The following EIF2AK4 variants were observed in gnomAD, a reference collection of about 807,000 sequenced individuals.
The protein encoded by EIF2AK4 is eukaryotic translation initiation factor 2 alpha kinase 4.
A neutral mutation model predicts 211.1 loss-of-function variants in EIF2AK4; 139 were observed. The observed-to-expected ratio is 0.66, with a 90% CI of 0.57 to 0.76. The LOEUF is 0.76. Ranked by LOEUF, EIF2AK4 falls within the 30% of genes least tolerant of loss-of-function variation. EIF2AK4 has a pLI of 0.00. For missense variants in EIF2AK4, 1,664 were observed against 2,043.8 expected (o/e 0.81, Z 3.58); for synonymous variants, 710 against 751.3 (o/e 0.94, Z 0.90).
At chr15:39,935,535 T>G (rs1172820247) in intron 1 of EIF2AK4, among the ~76,000 whole-genome samples, 1 of 152,120 alleles carries the variant, frequency 6.6e-6, no homozygotes, top group African/African-American at 2.4e-5. Flanking sequence ...CTTGCTCTGT[T>G]GCCCGGGCTG....
At chr15:39,956,339 A>G (rs2034392239) in intron 6 of EIF2AK4, among the ~76,000 whole-genome samples, 1 of 152,196 alleles carries the variant, frequency 6.6e-6, no homozygotes, top group South Asian at 2.1e-4. Context: ...ACACATCACA[A>G]ACTTGCCTTA....
chr15:40,017,063 A>T, intron 28 of EIF2AK4, 45 bp from the exon 29 acceptor site: 1 of 1,593,540 alleles, frequency 6.3e-7, no homozygotes, highest in Non-Finnish European at 8.6e-7. Context: ...TCCACATTCT[A>T]AATTTCAAAC....
intron 7 of EIF2AK4, among the ~76,000 whole-genome samples, chr15:39,964,143 A>G (rs907763184): frequency 6.6e-6 from 1 of 152,242 alleles, no homozygotes; most frequent in Admixed American, 6.5e-5. Context: ...CAGCATTCCC[A>G]TGAAATAAAA....
intron 12 of EIF2AK4, 101 bp from the exon 13 acceptor site, chr15:39,977,977 A>G: frequency 1.4e-6 from 1 of 722,576 alleles, no homozygotes; most frequent in Non-Finnish European, 2.3e-6. Context: ...TCATGGTGTG[A>G]TGTCTGTAGC....
At chr15:39,951,982 C>T (rs377111908) in intron 4 of EIF2AK4, among the ~76,000 whole-genome samples, 1 of 152,208 alleles carries the variant, frequency 6.6e-6, no homozygotes, top group African/African-American at 2.4e-5. Context: ...CTACCACACT[C>T]TTTGAATTAT....
intron 7 of EIF2AK4, among the ~76,000 whole-genome samples, chr15:39,964,080 G>A (rs559041731): frequency 6.6e-6 from 1 of 152,328 alleles, no homozygotes; most frequent in Non-Finnish European, 1.5e-5. Context: ...GGCAAAGACT[G>A]TCAGGAGTTA....
rs1443167446 is a variant in EIF2AK4 at position 39,934,241 on chromosome 15, C to G, written c.46C>G (p.Pro16Ala). The change falls in exon 1 of 39, where the codon CCG becomes GCG. Residue 16 changes from proline (P) to alanine (A), a missense_variant. Physicochemically the swap from Pro to Ala is conservative, Grantham distance 27. Coordinates refer to ENST00000263791, the MANE Select transcript of EIF2AK4 (RefSeq NM_001013703.4). The stretch of plus-strand genomic sequence containing the variant: ...CCCCGGGCGCGGCCGGGACGAGCCT[C>G]CGGAGAGCTACCCGCAACGACAGGA... ...GAPGRGRDEP[P>A]ESYPQRQDHE... 6.2e-7 allele frequency: 1 copy of G among 1,607,056 alleles called. No individual in the cohort carries two copies. The highest frequency in any genetic ancestry group is 2.2e-5 in the East Asian group (1 of 44,618).
Position 39,967,676 on chromosome 15 carries a change from C to T in EIF2AK4, c.1350C>T (p.Leu450=), listed in dbSNP as rs777111048. ...KITDYSISKR[L]ADICKEDVFE... is the part of the protein sequence containing the mutation. ...CGGACTATAGCATTTCTAAGCGCCTCGCAGACATTTGCAAGGAGGATGTGT... is the reference window on the plus strand; with the variant it reads ...CGGACTATAGCATTTCTAAGCGCCTTGCAGACATTTGCAAGGAGGATGTGT... Residue 450 remains leucine, a synonymous_variant, in exon 9 of 39, where the codon CTC becomes CTT. Transcript: ENST00000263791. 18 of 1,614,050 alleles carry T rather than the reference C, an allele frequency of 1.1e-5. No individual in the cohort carries two copies. The highest frequency in any genetic ancestry group is 6.7e-5 in the African/African-American group (5 of 74,900).
intron 3 of EIF2AK4, among the ~76,000 whole-genome samples, chr15:39,948,747 G>A (rs1289000386): frequency 6.6e-6 from 1 of 152,152 alleles, no homozygotes; most frequent in Admixed American, 6.5e-5. Context: ...TTCTAGTTGG[G>A]AAGATAGCTT....
chr15:39,992,485 C>CTCCATTGG, intron 17 of EIF2AK4: 1 of 541,812 alleles, frequency 1.8e-6, no homozygotes. Flanking sequence ...TTTGTCTAAC[C>CTCCATTGG]TCCATTGGTA....
rs35697496 is a variant in EIF2AK4 at position 40,017,548 on chromosome 15, T to C, written c.4065+306T>C. Reference sequence around the variant, plus strand: ...ATATATATATATATATATATATATATATATATGTATTTTGGAGACAGGGCC... The same window carrying C: ...ATATATATATATATATATATATATACATATATGTATTTTGGAGACAGGGCC... On this transcript the variant is annotated intron_variant, in intron 29 of 38. Transcript: ENST00000263791. Among the ~76,000 whole-genome samples the C allele has an allele frequency of 0.49, 52,527 of 106,570 alleles. 15,985 individuals are homozygous for C. Among genetic ancestry groups the C allele is most frequent in the African/African-American group, 0.52 (14,176 of 27,438 alleles). The allele number at this position is 106,570 out of a possible 152,430, so 69.9% of individuals were successfully genotyped here.
intron 9 of EIF2AK4, 118 bp from the exon 10 acceptor site, chr15:39,972,790 G>A: frequency 1.4e-6 from 1 of 732,296 alleles, no homozygotes; most frequent in Non-Finnish European, 2.3e-6. Context: ...TGGTCTTTGA[G>A]TAACATGAAT....
intron 36 of EIF2AK4, 101 bp from the exon 37 acceptor site, chr15:40,032,656 C>T: frequency 9.4e-7 from 1 of 1,066,238 alleles, no homozygotes; most frequent in South Asian, 1.4e-5. Flanking sequence ...GCATCTCAGA[C>T]TCTGCAAACC....
At chr15:39,992,560 T>C (rs889983337) in intron 17 of EIF2AK4, 21 of 591,748 alleles carry the variant, frequency 3.5e-5, no homozygotes, top group African/African-American at 3.5e-4. Context: ...TCCTCTTCAA[T>C]AGCAAAGACA....
At chr15:39,982,118 G>A (rs1460250073) in intron 13 of EIF2AK4, among the ~76,000 whole-genome samples, 1 of 152,094 alleles carries the variant, frequency 6.6e-6, no homozygotes, top group East Asian at 1.9e-4. Context: ...TAGAGACAGG[G>A]TTTCACCGTG....
intron 9 of EIF2AK4, among the ~76,000 whole-genome samples, chr15:39,971,033 T>G (rs976337406): frequency 6.6e-6 from 1 of 152,182 alleles, no homozygotes; most frequent in Non-Finnish European, 1.5e-5. Context: ...GTTGATTCTT[T>G]TAAGTATATT....
rs1474430583 is a variant in EIF2AK4 at position 40,008,160 on chromosome 15, A to G, written c.3541A>G (p.Ile1181Val). 2 of 1,608,884 alleles carry G rather than the reference A, an allele frequency of 1.2e-6. No homozygotes were observed. The highest frequency in any genetic ancestry group is 1.7e-5 in the Admixed American group (1 of 58,590). The change falls in exon 25 of 39, where the codon ATC becomes GTC. Residue 1181 changes from isoleucine to valine, a missense_variant. Around this residue, in one of 7 missense-constraint regions of EIF2AK4, gnomAD observed 622 missense variants for 796.8 expected, o/e 0.78. Coordinates refer to ENST00000263791, the MANE Select transcript of EIF2AK4 (RefSeq NM_001013703.4). ...FLPTAEIIYT[I>V]YEIIQEFPAL... ...GCCCACTGCTGAAATTATCTACACT[A>G]TCTATGAAATCATCCAAGAGTTTCC...
Position 39,949,213 on chromosome 15 carries a change from G to A in EIF2AK4, c.458G>A (p.Arg153Gln), listed in dbSNP as rs748007652. 19 of 1,614,042 alleles carry A rather than the reference G, an allele frequency of 1.2e-5. 1 individual carries two copies. Among genetic ancestry groups the A allele is most frequent in the South Asian group, 9.9e-5 (9 of 91,080 alleles). ...TTTCATGAAGAAATGCTGGAAAGGCGGGCTCAGGAGGAGCAGCAGAGGCTG... is the reference window on the plus strand; with the variant it reads ...TTTCATGAAGAAATGCTGGAAAGGCAGGCTCAGGAGGAGCAGCAGAGGCTG... ...KSFHEEMLER[R>Q]AQEEQQRLLE... Residue 153 changes from arginine (R) to glutamine (Q), a missense_variant, in exon 4 of 39, where the codon CGG (arginine) becomes CAG (glutamine). Transcript: ENST00000263791.
chr15:40,018,542 A>C (rs1026555888), intron 29 of EIF2AK4, among the ~76,000 whole-genome samples: 2 of 151,804 alleles, frequency 1.3e-5, no homozygotes, highest in Non-Finnish European at 2.9e-5. Context: ...GGCTGATCTC[A>C]CACTCCTGGC....
Sources: allele counts gnomAD v4.1 joint callset (sites outside exome capture counted in the v4.1 genomes callset), GRCh38; gene constraint gnomAD v4.1.1; regional missense constraint gnomAD v4.1.1; transcripts MANE v1.5; gene names NCBI Gene and HGNC (gene_info 2026-07-23, HGNC 2026-07-21).